The following RGS6 variants were observed in gnomAD, a reference collection of about 807,000 sequenced individuals.
RGS6 encodes regulator of G-protein signaling 6.
Under a neutral mutation model 78.5 loss-of-function variants are expected in RGS6, and 30 were observed. The observed-to-expected ratio is 0.38, with a 90% confidence interval of 0.29 to 0.52. The LOEUF (loss-of-function observed/expected upper bound fraction) is 0.52, where lower values mean the gene tolerates loss of function less well. RGS6 is among the 20% of genes least tolerant of loss of function. The pLI is 0.85. For missense variants in RGS6, 495 were observed against 609.7 expected, an observed-to-expected ratio of 0.81 and a Z score of 1.98; for synonymous variants, 206 against 206.0, an observed-to-expected ratio of 1.00 and a Z score of 0.00.
the RGS6 span, among the ~76,000 whole-genome samples, chr14:71,882,324 G>A: frequency 2.0e-5 from 3 of 152,286 alleles, no homozygotes; most frequent in East Asian, 1.9e-4. Flanking sequence ...GTGTATATGT[G>A]TATATCGCAT....
intron 2 of RGS6, among the ~76,000 whole-genome samples, chr14:71,986,889 C>T (rs2094735147): frequency 6.6e-6 from 1 of 152,252 alleles, no homozygotes; most frequent in South Asian, 2.1e-4. Context: ...CCACATCAGT[C>T]CCACCTCTAC....
At chr14:71,900,535 C>T in the RGS6 span, among the ~76,000 whole-genome samples, 2 of 152,182 alleles carry the variant, frequency 1.3e-5, no homozygotes, top group South Asian at 4.1e-4. Flanking sequence ...GACTGTCATT[C>T]CCTGTGTACT....
chr14:71,926,025 A>G, the RGS6 span, among the ~76,000 whole-genome samples: 1 of 152,196 alleles, frequency 6.6e-6, no homozygotes, highest in African/African-American at 2.4e-5. Context: ...AGACACAAAT[A>G]AATGGAAAGA....
rs1206123758 is a variant in RGS6 at position 71,970,774 on chromosome 14, A to G, written c.84+5899A>G. 4.6e-5 allele frequency among the ~76,000 whole-genome samples: 7 copies of G among 152,188 alleles called. No individual in the cohort carries two copies. The East Asian group carries it at 1.3e-3, about 29-fold the overall frequency. ...ATGAGCCCACAGGCCAGCTGGGGGTAAATGGGGAACTAGACAATTACAGTG... is the reference window on the plus strand; with the variant it reads ...ATGAGCCCACAGGCCAGCTGGGGGTGAATGGGGAACTAGACAATTACAGTG... On this transcript the variant is annotated intron_variant, in intron 2 of 17. Coordinates refer to ENST00000553525, the MANE Select transcript of RGS6 (RefSeq NM_001204424.2).
At chr14:72,537,805 C>T (rs576424056) in intron 16 of RGS6, 1 of 468,030 alleles carries the variant, frequency 2.1e-6, no homozygotes, top group African/African-American at 2.0e-5. Context: ...TTTAACCAGT[C>T]TAGGCCTGTC....
At chr14:72,072,625 A>G (rs749060720) in intron 2 of RGS6, among the ~76,000 whole-genome samples, 1 of 152,118 alleles carries the variant, frequency 6.6e-6, no homozygotes, top group Non-Finnish European at 1.5e-5. Context: ...GTTTTATATT[A>G]GGAGGCAGAG....
chr14:72,057,481 G>A (rs751144158), intron 2 of RGS6, among the ~76,000 whole-genome samples: 6 of 152,018 alleles, frequency 3.9e-5, no homozygotes, highest in Non-Finnish European at 7.4e-5. Flanking sequence ...GGGTATTTCT[G>A]AGTGTATTTG....
intron 2 of RGS6, among the ~76,000 whole-genome samples, chr14:72,040,326 A>G (rs545102483): frequency 6.6e-6 from 1 of 151,156 alleles, no homozygotes; most frequent in African/African-American, 2.4e-5. Context: ...GTGGGGATGA[A>G]CTCTCCCAGC....
intron 15 of RGS6, 143 bp from the exon 16 acceptor site, chr14:72,536,043 A>G: frequency 1.5e-6 from 1 of 647,912 alleles, no homozygotes; most frequent in Non-Finnish European, 2.8e-6. Context: ...GGGATGGAAC[A>G]TGTTGCAAGT....
chr14:72,114,626 A>G (rs962344583), intron 2 of RGS6, among the ~76,000 whole-genome samples: 3 of 152,238 alleles, frequency 2.0e-5, no homozygotes, highest in African/African-American at 7.2e-5. Flanking sequence ...GTTACCCAGT[A>G]GAATATTTAG....
chr14:72,117,147 G>A (rs1307879275), intron 2 of RGS6, among the ~76,000 whole-genome samples: 2 of 152,076 alleles, frequency 1.3e-5, no homozygotes, highest in Non-Finnish European at 2.9e-5. Flanking sequence ...GGTCCTGGAG[G>A]GGAACAAATG....
At chr14:71,873,381 T>C in the RGS6 span, among the ~76,000 whole-genome samples, 2 of 152,222 alleles carry the variant, frequency 1.3e-5, no homozygotes, top group Non-Finnish European at 2.9e-5. Flanking sequence ...TTTGCATTTC[T>C]CTGATGACCA....
chr14:72,264,124 G>T (rs1443203789), intron 2 of RGS6, among the ~76,000 whole-genome samples: 3 of 152,174 alleles, frequency 2.0e-5, no homozygotes, highest in African/African-American at 7.2e-5. Context: ...GTCAGGTTTT[G>T]TCACCAAACA....
At chr14:71,955,188 C>T (rs776531050) in intron 1 of RGS6, among the ~76,000 whole-genome samples, 1 of 152,210 alleles carries the variant, frequency 6.6e-6, no homozygotes, top group Non-Finnish European at 1.5e-5. Context: ...TCCTCAGGGA[C>T]GCTGTGTCTT....
intron 17 of RGS6, among the ~76,000 whole-genome samples, chr14:72,556,102 T>TC (rs11414060): frequency 0.013 from 1,609 of 124,436 alleles, 28 homozygotes; most frequent in African/African-American, 0.047. Context: ...TTCAAAAACT[T>TC]TTTAAAATAT....
chr14:71,898,604 C>T, the RGS6 span, among the ~76,000 whole-genome samples: 1 of 152,124 alleles, frequency 6.6e-6, no homozygotes, highest in Non-Finnish European at 1.5e-5. Flanking sequence ...CACCCATCAA[C>T]CCATCATCCA....
chr14:72,620,178 C>T, the RGS6 span, among the ~76,000 whole-genome samples: 1 of 152,162 alleles, frequency 6.6e-6, no homozygotes, highest in Non-Finnish European at 1.5e-5. Context: ...CCCTCTACCT[C>T]CCAGCCTATA....
At chr14:71,918,208 A>G in the RGS6 span, among the ~76,000 whole-genome samples, 1 of 139,574 alleles carries the variant, frequency 7.2e-6, no homozygotes, top group African/African-American at 2.9e-5. Context: ...AAAAAAAAAA[A>G]AAAAAAAAAA....
At chr14:72,472,170 A>C (rs1270179203) in intron 8 of RGS6, among the ~76,000 whole-genome samples, 12 of 70,532 alleles carry the variant, frequency 1.7e-4, no homozygotes, top group Non-Finnish European at 2.9e-4. Flanking sequence ...ATGCTTTTTT[A>C]AGAAAAAAAA....
Sources: gnomAD v4.1 joint callset for allele counts (sites outside exome capture counted in the v4.1 genomes callset) on GRCh38, gnomAD v4.1.1 for gene constraint, MANE v1.5 for transcripts, NCBI Gene and HGNC (gene_info 2026-07-23, HGNC 2026-07-21) for gene names.